The following PDC variants were observed in gnomAD, a reference collection of about 807,000 sequenced individuals.
The protein encoded by PDC is phosducin, also known as 33 kDa phototransducing protein.
In PDC, 19 loss-of-function variants were observed where a neutral mutation model predicts 22.2. The observed-to-expected ratio is 0.86, with a 90% CI of 0.60 to 1.26. The LOEUF is 1.26. PDC is among the 50% of genes most tolerant of loss of function. PDC has a pLI of 0.00. For synonymous variants in PDC, 97 were observed against 96.2 expected (o/e 1.01, Z -0.05); for missense variants, 274 against 286.8 (o/e 0.96, Z 0.32).
At chr1:186,460,466 A>G (rs573398655) in intron 1 of PDC, among the ~76,000 whole-genome samples, 2 of 152,324 alleles carry the variant, frequency 1.3e-5, no homozygotes, top group African/African-American at 4.8e-5. Flanking sequence ...TTGTGATGGT[A>G]GCATATTGTT....
rs1662162627 is a variant in PDC, at chr1:186,444,031, C to T, written c.689G>A (p.Arg230Lys). Reference protein sequence around the residue: ...FLNEYGLLPEREVHVLEHTKI... With the variant: ...FLNEYGLLPEKEVHVLEHTKI... The stretch of plus-strand genomic sequence containing the variant: ...GGTATGCTCTAGGACATGTACCTCT[C>T]TTTCAGGTAGTAACCCATATTCATT... The change falls in exon 4 of 4, where the codon AGA becomes AAA. Residue 230 changes from arginine to lysine, a missense_variant. Coordinates refer to ENST00000391997, the MANE Select transcript of PDC (RefSeq NM_002597.5). The T allele has an allele frequency of 6.2e-7, 1 of 1,612,696 alleles. No homozygotes were observed. Among genetic ancestry groups the T allele is most frequent in the Non-Finnish European group, 8.5e-7 (1 of 1,178,842 alleles).
chr1:186,460,442 C>T (rs1662560517), intron 1 of PDC, among the ~76,000 whole-genome samples: 2 of 152,026 alleles, frequency 1.3e-5, no homozygotes, highest in South Asian at 2.1e-4. Flanking sequence ...TAATAAGGTC[C>T]CAAAGCGCAA....
chr1:186,447,010 A>G (rs1434983444), intron 2 of PDC, among the ~76,000 whole-genome samples: 2 of 152,190 alleles, frequency 1.3e-5, no homozygotes, highest in African/African-American at 4.8e-5. Flanking sequence ...CAAAATAACA[A>G]TAGTATATAA....
chr1:186,452,358 C>T (rs1274474915), intron 1 of PDC, among the ~76,000 whole-genome samples: 4 of 152,166 alleles, frequency 2.6e-5, no homozygotes, highest in Non-Finnish European at 4.4e-5. Context: ...GTGCCTCAGC[C>T]TTCCAACTAG....
At position 186,443,953 on chromosome 1, in the gene PDC, A is replaced by G. The variant is rs773108910; in HGVS notation, c.*26T>C. ...CCATCATCCAATACCTAAAGGATAA[A>G]CATGAGATATTGACATAGTGAATCT... On this transcript the variant is annotated 3_prime_UTR_variant, in exon 4 of 4. Transcript: ENST00000391997. 3 of 1,539,100 alleles carry G rather than the reference A, an allele frequency of 1.9e-6. No homozygotes were observed. Among genetic ancestry groups the G allele is most frequent in the South Asian group, 2.3e-5 (2 of 86,534 alleles).
At chr1:186,444,840 A>G (rs1207942725) in intron 3 of PDC, among the ~76,000 whole-genome samples, 1 of 152,148 alleles carries the variant, frequency 6.6e-6, no homozygotes. Flanking sequence ...TTTTCCTACT[A>G]TTTGGAGTTC....
At chr1:186,460,632 T>A (rs1470220924) in intron 1 of PDC, among the ~76,000 whole-genome samples, 1 of 152,056 alleles carries the variant, frequency 6.6e-6, no homozygotes, top group African/African-American at 2.4e-5. Flanking sequence ...CCAGTGGGGG[T>A]CCTGGAACAT....
Position 186,444,430 on chromosome 1 carries a change from C to T in PDC, c.290G>A (p.Cys97Tyr). 6.2e-7 allele frequency: 1 copy of T among 1,613,150 alleles called. No homozygotes were observed. The highest frequency in any genetic ancestry group is 8.5e-7 in the Non-Finnish European group (1 of 1,179,104). The change falls in exon 4 of 4, where the codon TGT becomes TAT. Residue 97 changes from cysteine (C) to tyrosine (Y), a missense_variant. Transcript: ENST00000391997. ...ENCLRKYRRQCMQDMHQKLSF... is the reference protein window; with the variant it reads ...ENCLRKYRRQYMQDMHQKLSF... ...CAGCTTCTGGTGCATATCCTGCATA[C>T]ACTGTCTACGGTATTTACGAAGGCA... is the stretch of plus-strand genomic sequence containing the variant.
chr1:186,452,745 T>C (rs1345487318), intron 1 of PDC, among the ~76,000 whole-genome samples: 1 of 152,250 alleles, frequency 6.6e-6, no homozygotes, highest in Non-Finnish European at 1.5e-5. Context: ...GCTGAAACAT[T>C]TAAAATGACA....
chr1:186,454,839 TG>T (rs1322016072), intron 1 of PDC, among the ~76,000 whole-genome samples: 1 of 152,240 alleles, frequency 6.6e-6, no homozygotes, highest in African/African-American at 2.4e-5. Flanking sequence ...ATTTTTAAAA[TG>T]TATTTGAAGT....
chr1:186,459,941 AAG>A (rs1662548222), intron 1 of PDC, among the ~76,000 whole-genome samples: 1 of 151,262 alleles, frequency 6.6e-6, no homozygotes, highest in African/African-American at 2.4e-5. Flanking sequence ...AACCAATTGA[AAG>A]AAAATTTTCA....
At chr1:186,457,565 A>T (rs1046526318) in intron 1 of PDC, among the ~76,000 whole-genome samples, 3 of 152,158 alleles carry the variant, frequency 2.0e-5, no homozygotes, top group African/African-American at 7.2e-5. Context: ...AATGCTTTAT[A>T]TATCTTTTCT....
In PDC at chr1:186,452,677, A is replaced by G. The variant is rs1012276656; in HGVS notation, c.-24-3194T>C. On this transcript the variant is annotated intron_variant, in intron 1 of 3. Coordinates refer to ENST00000391997, the MANE Select transcript of PDC (RefSeq NM_002597.5). ...AATATATCAGTCATTTAAAAAATATAAACATTTCATTTACAATGCTATTAT... is the reference window on the plus strand; with the variant it reads ...AATATATCAGTCATTTAAAAAATATGAACATTTCATTTACAATGCTATTAT... Among the ~76,000 whole-genome samples, 4 of 152,210 alleles carry G rather than the reference A, an allele frequency of 2.6e-5. No individual in the cohort carries two copies. The East Asian group carries it at 5.8e-4, about 22-fold the overall frequency.
At chr1:186,456,653 TA>T (rs1245174910) in intron 1 of PDC, among the ~76,000 whole-genome samples, 1 of 152,220 alleles carries the variant, frequency 6.6e-6, no homozygotes, top group African/African-American at 2.4e-5. Context: ...AAATAAACAA[TA>T]TTTTTTCTTT....
chr1:186,450,210 TA>T (rs1233319087), intron 1 of PDC, among the ~76,000 whole-genome samples: 1 of 152,204 alleles, frequency 6.6e-6, no homozygotes, highest in African/African-American at 2.4e-5. Flanking sequence ...GAATTGGCAT[TA>T]AAAAATGATG....
intron 1 of PDC, among the ~76,000 whole-genome samples, chr1:186,459,740 ATG>A (rs1299842097): frequency 1.0e-5 from 1 of 95,244 alleles, no homozygotes. Context: ...AATGGACAAT[ATG>A]TGTGTGTGTG....
Position 186,446,575 on chromosome 1 carries a change from G to A in PDC, c.64C>T (p.Pro22Ser). 1 of 1,510,762 alleles carries A rather than the reference G, an allele frequency of 6.6e-7. No individual in the cohort carries two copies. Among genetic ancestry groups the A allele is most frequent in the Non-Finnish European group, 9.0e-7 (1 of 1,108,326 alleles). 93.6% of individuals were successfully genotyped at this position (1,510,762 alleles called of 1,614,324 possible). ...CTCCAATCATTTATTACTCCTTTGG[G>A]TCCTGGAATGAAATTAAAAATAAAT... Reference protein sequence around the residue: ...DFEGQATHTGPKGVINDWRKF... With the variant: ...DFEGQATHTGSKGVINDWRKF... Residue 22 changes from proline (P) to serine (S), a missense_variant and splice_region_variant, in exon 3 of 4, where the codon CCC (proline) becomes TCC (serine). Transcript: ENST00000391997.
In PDC at chr1:186,444,477, A is replaced by G. The variant is rs1662178927; in HGVS notation, c.243T>C (p.His81=). 6.2e-7 allele frequency: 1 copy of G among 1,603,744 alleles called. No homozygotes were observed. The highest frequency in any genetic ancestry group is 8.5e-7 in the Non-Finnish European group (1 of 1,171,346). ...GGCAGTTTTCATCCTCTTTCTCTTT[A>G]TGGATTAGTTCATATTCTTGAATGC... is the stretch of plus-strand genomic sequence containing the variant. The part of the protein sequence containing the change: ...KMSIQEYELI[H]KEKEDENCLR... The change falls in exon 4 of 4, where the codon CAT becomes CAC. Residue 81 remains histidine, a synonymous_variant. Transcript: ENST00000391997.
At chr1:186,457,377 CAG>C (rs1662491356) in intron 1 of PDC, among the ~76,000 whole-genome samples, 1 of 152,182 alleles carries the variant, frequency 6.6e-6, no homozygotes. Flanking sequence ...AAGAGACACA[CAG>C]GGGATTTTAT....
Sources: gnomAD v4.1 joint callset for allele counts (sites outside exome capture counted in the v4.1 genomes callset) on GRCh38, gnomAD v4.1.1 for gene constraint, MANE v1.5 for transcripts, NCBI Gene and HGNC (gene_info 2026-07-23, HGNC 2026-07-21) for gene names.